The following ASB3 variants were observed in gnomAD, a reference collection of about 807,000 sequenced individuals.
The protein encoded by ASB3 is ankyrin repeat and SOCS box containing 3, also known as ankyrin repeat and SOCS box protein 3.
ASB3 carries 41 observed loss-of-function variants against 54.5 expected under a neutral mutation model. The ratio of observed to expected loss-of-function variants is 0.75; its 90% CI spans 0.59 to 0.98. The LOEUF (loss-of-function observed/expected upper bound fraction) is 0.98. Ranked by LOEUF, ASB3 falls within the 50% of genes least tolerant of loss-of-function variation. The pLI, the probability that ASB3 is intolerant of heterozygous loss-of-function variation, is 0.00. For synonymous variants in ASB3, 266 were observed against 221.2 expected (o/e 1.20, Z -1.80); for missense variants, 733 against 620.0 (o/e 1.18, Z -1.94).
chr2:53,687,986 T>G lies in ASB3; in HGVS notation c.1369+5898A>C, dbSNP rs546418066. ...TCATTCACCACCATGTCTGGCTAAT[T>G]TTCTTATTTTATTTTGTAGAGATGG... On this transcript the variant is annotated intron_variant, in intron 9 of 9. Coordinates refer to ENST00000263634, the MANE Select transcript of ASB3 (RefSeq NM_016115.5). 2.1e-3 allele frequency among the ~76,000 whole-genome samples: 320 copies of G among 152,186 alleles called. 1 individual carries two copies. Among genetic ancestry groups the G allele is most frequent in the African/African-American group, 7.5e-3 (311 of 41,516 alleles).
In ASB3 at chr2:53,675,985, T is replaced by C. The variant is rs534583639; in HGVS notation, c.1370-5295A>G. Among the ~76,000 whole-genome samples, 29 of 152,302 alleles carry C rather than the reference T, an allele frequency of 1.9e-4. No individual in the cohort carries two copies. In the South Asian group the frequency reaches 5.8e-3, roughly 30 times the overall value. ...TCATCTCTTCCCTAAATCAACAGAA[T>C]TTTTACAAAATACATGGTAGGTTGC... On this transcript the variant is annotated intron_variant, in intron 9 of 9. Transcript: ENST00000263634.
At chr2:53,723,498 T>G (rs1670823550) in intron 5 of ASB3, among the ~76,000 whole-genome samples, 1 of 152,114 alleles carries the variant, frequency 6.6e-6, no homozygotes, top group South Asian at 2.1e-4. Context: ...ATCCTTTCCC[T>G]GAGTCCCTGA....
intron 2 of ASB3, among the ~76,000 whole-genome samples, chr2:53,765,030 C>T (rs1673358317): frequency 6.6e-6 from 1 of 152,194 alleles, no homozygotes; most frequent in South Asian, 2.1e-4. Context: ...TCCTCAATTT[C>T]AGTACAATTG....
intron 7 of ASB3, among the ~76,000 whole-genome samples, chr2:53,701,474 C>T (rs112315472): frequency 6.6e-6 from 1 of 152,094 alleles, no homozygotes; most frequent in African/African-American, 2.4e-5. Flanking sequence ...CAAATTTCTG[C>T]AATATCTCTT....
intron 8 of ASB3, among the ~76,000 whole-genome samples, chr2:53,698,272 T>C (rs552178920): frequency 1.3e-5 from 2 of 152,340 alleles, no homozygotes; most frequent in Non-Finnish European, 2.9e-5. Flanking sequence ...CAAAGATCTC[T>C]GGAATGCCTT....
intron 9 of ASB3, among the ~76,000 whole-genome samples, chr2:53,674,333 T>C (rs1340362999): frequency 6.6e-6 from 1 of 152,210 alleles, no homozygotes; most frequent in Non-Finnish European, 1.5e-5. Flanking sequence ...AGTTTATCCA[T>C]AGATCTATTA....
rs771360988 is a variant in ASB3, at chr2:53,670,615, T to A, written c.1445A>T (p.Asp482Val). 1 of 1,614,004 alleles carries A rather than the reference T, an allele frequency of 6.2e-7. No individual in the cohort carries two copies. Among genetic ancestry groups the A allele is most frequent in the Admixed American group, 1.7e-5 (1 of 60,022 alleles). ...AAGTGGCAGCTGACTAATATAACTG[T>A]CAGACCGTAGACGTTCTGATTTTAG... ...SSLKSERLRS[D>V]SYISQLPLPR... is the part of the protein sequence containing the mutation. Residue 482 changes from aspartate (D) to valine (V), a missense_variant, in exon 10 of 10, where the codon GAC (aspartate) becomes GTC (valine). Coordinates refer to ENST00000263634, the MANE Select transcript of ASB3 (RefSeq NM_016115.5).
At chr2:53,763,990 T>C (rs1673296308) in intron 2 of ASB3, among the ~76,000 whole-genome samples, 1 of 152,160 alleles carries the variant, frequency 6.6e-6, no homozygotes, top group Admixed American at 6.5e-5. Flanking sequence ...TTTAGGAAGT[T>C]TAGCCTTACC....
At chr2:53,691,250 AGGGAGGAAAAAG>A (rs1668895605) in intron 9 of ASB3, among the ~76,000 whole-genome samples, 1 of 152,166 alleles carries the variant, frequency 6.6e-6, no homozygotes, top group African/African-American at 2.4e-5. Context: ...CTACTTACTT[AGGGAGGAAAAAG>A]GGGAGGAAAG....
chr2:53,747,463 T>C (rs1001213843), intron 3 of ASB3, among the ~76,000 whole-genome samples: 1 of 152,138 alleles, frequency 6.6e-6, no homozygotes, highest in Non-Finnish European at 1.5e-5. Flanking sequence ...GGAGAAACAC[T>C]TGAACCCGGG....
chr2:53,676,127 A>G (rs767676339), intron 9 of ASB3, among the ~76,000 whole-genome samples: 3 of 152,220 alleles, frequency 2.0e-5, no homozygotes, highest in Non-Finnish European at 4.4e-5. Context: ...ATATTGTATC[A>G]CAGACAATGA....
chr2:53,785,329 T>C (rs969214895), intron 1 of ASB3, among the ~76,000 whole-genome samples: 2 of 152,178 alleles, frequency 1.3e-5, no homozygotes, highest in African/African-American at 4.8e-5. Context: ...ACTATAGCCC[T>C]AAATGCTAAA....
At chr2:53,726,965 G>C (rs555104399) in intron 5 of ASB3, among the ~76,000 whole-genome samples, 1 of 152,112 alleles carries the variant, frequency 6.6e-6, no homozygotes, top group Non-Finnish European at 1.5e-5. Context: ...ATGAGCCACT[G>C]ACCCAGGCTA....
intron 1 of ASB3, chr2:53,768,279 G>A (rs1673639993): frequency 6.9e-6 from 3 of 437,444 alleles, no homozygotes; most frequent in Non-Finnish European, 1.2e-5. Context: ...ACAGGCGCAC[G>A]AGCTCGCACC....
intron 9 of ASB3, among the ~76,000 whole-genome samples, chr2:53,671,483 G>T (rs1667815950): frequency 6.6e-6 from 1 of 152,090 alleles, no homozygotes. Context: ...TGATAGGCCA[G>T]GCGCGGTGGC....
At chr2:53,707,652 A>G (rs1014415423) in intron 7 of ASB3, among the ~76,000 whole-genome samples, 3 of 150,316 alleles carry the variant, frequency 2.0e-5, no homozygotes, top group Non-Finnish European at 4.4e-5. Context: ...GTCTCAAAAA[A>G]AAAAAAAAAG....
chr2:53,693,844 G>C (rs542189565), intron 9 of ASB3, 40 bp downstream of exon 9: 2 of 1,590,916 alleles, frequency 1.3e-6, no homozygotes, highest in South Asian at 2.3e-5. Flanking sequence ...GCAAGAGAAG[G>C]AAAAGTAGTG....
chr2:53,767,693 G>A (rs1286647804), intron 1 of ASB3: 1 of 641,192 alleles, frequency 1.6e-6, no homozygotes, highest in Non-Finnish European at 2.7e-6. Context: ...CCTAATCAAG[G>A]AAATAAAATA....
intron 5 of ASB3, among the ~76,000 whole-genome samples, chr2:53,717,066 G>A (rs985874189): frequency 1.3e-5 from 2 of 151,994 alleles, no homozygotes; most frequent in African/African-American, 4.8e-5. Flanking sequence ...AAAATAAAAA[G>A]GTCTTGCCTC....
Sources: allele counts gnomAD v4.1 joint callset (sites outside exome capture counted in the v4.1 genomes callset), GRCh38; gene constraint gnomAD v4.1.1; transcripts MANE v1.5; gene names NCBI Gene and HGNC (gene_info 2026-07-23, HGNC 2026-07-21).